Variants in ATP9B observed in about 807,000 individuals in gnomAD.
ATP9B encodes the protein probable phospholipid-transporting ATPase IIB.
In ATP9B, 110 loss-of-function variants were observed where a neutral mutation model predicts 146.1. The observed-to-expected ratio is 0.75, with a 90% confidence interval of 0.65 to 0.88. The LOEUF (loss-of-function observed/expected upper bound fraction) is 0.88. ATP9B is among the 40% of genes least tolerant of loss of function. The pLI is 0.00. For missense variants in ATP9B, 1,499 were observed against 1,496.4 expected, an observed-to-expected ratio of 1.00 and a Z score of -0.03; for synonymous variants, 604 against 569.7, an observed-to-expected ratio of 1.06 and a Z score of -0.86.
chr18:79,335,344 A>T (rs1477965298), intron 17 of ATP9B, among the ~76,000 whole-genome samples: 1 of 152,136 alleles, frequency 6.6e-6, no homozygotes, highest in Non-Finnish European at 1.5e-5. Flanking sequence ...TAACTTTGAG[A>T]GTGTTACCTC....
Position 79,359,628 on chromosome 18 carries a change from CTCTT to C in ATP9B, c.3012+168_3012+171del, listed in dbSNP as rs1444798765. ...GTCTCCTAATTGTTGTTGGCATTTT[CTCTT>C]TGAGTTAAACTTCAAAAGGGGAAAA... is the stretch of plus-strand genomic sequence containing the variant. On this transcript the variant is annotated intron_variant, in intron 26 of 29. Coordinates refer to ENST00000426216, the MANE Select transcript of ATP9B (RefSeq NM_198531.5). The C allele has an allele frequency of 2.6e-5, 16 of 609,482 alleles. No homozygotes were observed. The South Asian group carries it at 2.7e-4, about 10-fold the overall frequency. The allele number at this position is 609,482 out of a possible 1,614,324, so 37.8% of individuals were successfully genotyped here.
chr18:79,328,075 G>T (rs1280624323), intron 15 of ATP9B, among the ~76,000 whole-genome samples: 6 of 146,606 alleles, frequency 4.1e-5, no homozygotes, highest in Non-Finnish European at 7.5e-5. Flanking sequence ...GCTCTCCGTG[G>T]TTAGCGTGCT....
intron 25 of ATP9B, among the ~76,000 whole-genome samples, chr18:79,348,844 C>T (rs961482771): frequency 2.6e-5 from 4 of 152,178 alleles, no homozygotes; most frequent in East Asian, 1.9e-4. Context: ...ATTAGCCAGG[C>T]GTGGTGGTGT....
chr18:79,147,454 A>G (rs1397483004), intron 6 of ATP9B, among the ~76,000 whole-genome samples: 2 of 152,210 alleles, frequency 1.3e-5, no homozygotes, highest in Non-Finnish European at 1.5e-5. Context: ...ATAAACCTCA[A>G]CAAATTGAAA....
At chr18:79,123,008 G>T (rs1404224131) in intron 4 of ATP9B, among the ~76,000 whole-genome samples, 1 of 152,104 alleles carries the variant, frequency 6.6e-6, no homozygotes, top group East Asian at 1.9e-4. Flanking sequence ...AAGACTGAAT[G>T]TGTTCCCCTT....
chr18:79,297,845 A>G (rs149174346), intron 13 of ATP9B, among the ~76,000 whole-genome samples: 1,676 of 148,008 alleles, frequency 0.011, 198 homozygotes, highest in African/African-American at 0.03. Context: ...AAACACTGCA[A>G]TGACCTTAAC....
At chr18:79,157,395 T>A (rs1169153786) in intron 7 of ATP9B, among the ~76,000 whole-genome samples, 1 of 16,472 alleles carries the variant, frequency 6.1e-5, no homozygotes, top group Non-Finnish European at 8.6e-5. Context: ...AAACTCCATC[T>A]CAAAAAAAAA....
At position 79,276,202 on chromosome 18, in the gene ATP9B, T is replaced by C. The variant is rs114998314; in HGVS notation, c.1269-852T>C. Among the ~76,000 whole-genome samples the C allele has an allele frequency of 3.0e-3, 461 of 152,328 alleles. 1 individual carries two copies. The highest frequency in any genetic ancestry group is 0.01 in the African/African-American group (432 of 41,576). ...GCAGAGCCTGCCTCCTAAAGTGATGTGATGTGAGCTCATGTTCTGACATGG... is the reference window on the plus strand; with the variant it reads ...GCAGAGCCTGCCTCCTAAAGTGATGCGATGTGAGCTCATGTTCTGACATGG... On this transcript the variant is annotated intron_variant, in intron 12 of 29. Coordinates refer to ENST00000426216, the MANE Select transcript of ATP9B (RefSeq NM_198531.5).
intron 15 of ATP9B, among the ~76,000 whole-genome samples, chr18:79,318,551 C>T (rs1025949011): frequency 1.3e-5 from 2 of 152,234 alleles, no homozygotes; most frequent in Non-Finnish European, 2.9e-5. Flanking sequence ...CTAAATGTGA[C>T]ATCCCGGATG....
At chr18:79,330,230 T>G in intron 17 of ATP9B, 126 bp downstream of exon 17, 8 of 820,340 alleles carry the variant, frequency 9.8e-6, no homozygotes, top group Non-Finnish European at 1.4e-5. Flanking sequence ...AGGATATCCT[T>G]TCCCCAGCTT....
At chr18:79,369,960 G>A (rs2097059620) in intron 26 of ATP9B, among the ~76,000 whole-genome samples, 8 of 152,178 alleles carry the variant, frequency 5.3e-5, no homozygotes. Context: ...TTAGCAGGGT[G>A]TGGTGGTGCA....
chr18:79,328,768 A>G (rs6506749), intron 15 of ATP9B, among the ~76,000 whole-genome samples: 58,642 of 152,068 alleles, frequency 0.39, 11,512 homozygotes, highest in Middle Eastern at 0.54. Context: ...GGAACTGGGG[A>G]GGGAGAAACC....
chr18:79,324,047 G>A (rs1208775217), intron 15 of ATP9B, among the ~76,000 whole-genome samples: 3 of 152,214 alleles, frequency 2.0e-5, no homozygotes, highest in African/African-American at 4.8e-5. Context: ...GATGATTAAA[G>A]GATATTGAGC....
chr18:79,338,901 C>T (rs987360924), intron 19 of ATP9B, among the ~76,000 whole-genome samples: 1 of 152,220 alleles, frequency 6.6e-6, no homozygotes, highest in Non-Finnish European at 1.5e-5. Context: ...AGGACAGTGT[C>T]AGAAGTCAAA....
intron 4 of ATP9B, 74 bp from the exon 5 acceptor site, chr18:79,126,193 A>T: frequency 7.8e-7 from 1 of 1,286,548 alleles, no homozygotes; most frequent in Non-Finnish European, 1.1e-6. Flanking sequence ...GAAAAAAGTT[A>T]AACCAAGTAA....
intron 14 of ATP9B, among the ~76,000 whole-genome samples, chr18:79,306,050 G>A (rs1423584616): frequency 6.6e-6 from 1 of 152,238 alleles, no homozygotes; most frequent in Non-Finnish European, 1.5e-5. Context: ...GGCGCAGATG[G>A]GCTGGGTCCT....
chr18:79,255,731 G>T (rs1365900197), intron 12 of ATP9B, among the ~76,000 whole-genome samples: 6 of 152,114 alleles, frequency 3.9e-5, no homozygotes, highest in Non-Finnish European at 8.8e-5. Context: ...TCGAGTCTCT[G>T]GTTCTCAGTA....
chr18:79,157,855 A>G (rs7504736), intron 7 of ATP9B, among the ~76,000 whole-genome samples: 85,384 of 151,670 alleles, frequency 0.56, 25,674 homozygotes, highest in African/African-American at 0.79. Context: ...TAGTAATGTA[A>G]CCTCCTTTGT....
chr18:79,085,252 A>G (rs2073702004), intron 1 of ATP9B: 1 of 152,188 alleles, frequency 6.6e-6, no homozygotes, highest in Non-Finnish European at 1.5e-5. Context: ...GACTCATGAG[A>G]GGACCACCCC....
Sources: gnomAD v4.1 joint callset for allele counts (sites outside exome capture counted in the v4.1 genomes callset) on GRCh38, gnomAD v4.1.1 for gene constraint, MANE v1.5 for transcripts, NCBI Gene and HGNC (gene_info 2026-07-23, HGNC 2026-07-21) for gene names.